SELENOM: variants seen among roughly 807,000 people sequenced by gnomAD.
SELENOM encodes the protein selenoprotein M.
In SELENOM, 17 loss-of-function variants were observed where a neutral mutation model predicts 14.5. The ratio of observed to expected loss-of-function variants is 1.17; its 90% CI spans 0.80 to 1.76. The LOEUF is 1.76. Ranked by LOEUF, SELENOM falls within the 40% of genes most tolerant of loss-of-function variation. The pLI is 0.00. For missense variants in SELENOM, 230 were observed against 204.6 expected, an observed-to-expected ratio of 1.12 and a Z score of -0.76; for synonymous variants, 102 against 93.3, an observed-to-expected ratio of 1.09 and a Z score of -0.54.
chr22:31,104,813 A>C lies in SELENOM; in HGVS notation c.*157T>G, dbSNP rs2044367664. Reference sequence around the variant, plus strand: ...GGGAATTTAGTGGAGCTGGGGAAGGAAGAAAGTGGGGTTGGGAGAACCTCC... The same window carrying C: ...GGGAATTTAGTGGAGCTGGGGAAGGCAGAAAGTGGGGTTGGGAGAACCTCC... On this transcript the variant is annotated 3_prime_UTR_variant, in exon 5 of 5. Coordinates refer to ENST00000400299, the MANE Select transcript of SELENOM (RefSeq NM_080430.4). The C allele has an allele frequency of 5.4e-6, 3 of 553,056 alleles. No homozygotes were observed. The highest frequency in any genetic ancestry group is 8.1e-6 in the Non-Finnish European group (3 of 371,966). 34.3% of individuals were successfully genotyped at this position (553,056 alleles called of 1,614,324 possible). A position where few individuals can be genotyped will look rare whatever the true frequency, so the allele number is the denominator to read the frequency against.
chr22:31,107,175 G>A (rs2044413094), intron 1 of SELENOM: 2 of 619,886 alleles, frequency 3.2e-6, no homozygotes, highest in Non-Finnish European at 5.3e-6. Context: ...GGAGTTCCAG[G>A]CCCCAAAGTC....
chr22:31,105,967 T>C lies in SELENOM; in HGVS notation c.130-2A>G, dbSNP rs2044400547. 1.2e-6 allele frequency: 2 copies of C among 1,613,644 alleles called. No individual in the cohort carries two copies. Among genetic ancestry groups the C allele is most frequent in the South Asian group, 2.2e-5 (2 of 91,080 alleles). ...GTTCAGCTGTCATCCCCCGCAGGTCTGGAGGGGGATAAAATGGGATAGGTC... is the reference window on the plus strand; with the variant it reads ...GTTCAGCTGTCATCCCCCGCAGGTCCGGAGGGGGATAAAATGGGATAGGTC... On this transcript the variant is annotated splice_acceptor_variant, in intron 1 of 4. Transcript: ENST00000400299. LOFTEE classifies it high-confidence loss of function.
chr22:31,105,851 C>T, intron 2 of SELENOM, 79 bp downstream of exon 2: 2 of 1,518,422 alleles, frequency 1.3e-6, no homozygotes, highest in African/African-American at 1.4e-5. Flanking sequence ...CCTCCCCGCC[C>T]CAGTCATTGG....
intron 1 of SELENOM, chr22:31,106,250 C>T: frequency 1.9e-6 from 1 of 525,768 alleles, no homozygotes; most frequent in Non-Finnish European, 3.4e-6. Flanking sequence ...TGGCTGTGGA[C>T]TGACTCCCAA....
rs2044388956 is a variant in SELENOM, at chr22:31,105,237, G to C, written c.250C>G (p.Leu84Val). The C allele has an allele frequency of 3.1e-6, 5 of 1,613,076 alleles. No homozygotes were observed. The highest frequency in any genetic ancestry group is 4.2e-6 in the Non-Finnish European group (5 of 1,179,696). ...AGTTCCTCGTAGCGGCGGCCCAGCA[G>C]CACGAGCTCAGGGTCGGCCCCAGGG... Reference protein sequence around the residue: ...HLPGADPELVLLGRRYEELER... With the variant: ...HLPGADPELVVLGRRYEELER... The change falls in exon 4 of 5, where the codon CTG becomes GTG. Residue 84 changes from leucine (L) to valine (V), a missense_variant. By Grantham distance (32) the Leu-to-Val change is conservative (BLOSUM62 1). Transcript: ENST00000400299.
chr22:31,105,423 C>A (rs1326381342), intron 3 of SELENOM, 137 bp from the exon 4 acceptor site: 7 of 925,998 alleles, frequency 7.6e-6, no homozygotes, highest in African/African-American at 3.3e-5. Context: ...TCCGCTTATA[C>A]GTGAGAAAAT....
chr22:31,105,027 C>G lies in SELENOM; in HGVS notation c.381G>C (p.Glu127Asp). 2 of 1,610,556 alleles carry G rather than the reference C, an allele frequency of 1.2e-6. No homozygotes were observed. The highest frequency in any genetic ancestry group is 4.5e-5 in the East Asian group (2 of 44,864). ...GGGGCTTCGCGGGCGCCCACACGTA[C>G]TCGGGGGGCACCTGCGCGTCGGGCG... ...KAAPDAQVPP[E>D]YVWAPAKPPE... The change falls in exon 5 of 5, where the codon GAG (glutamate) becomes GAC (aspartate). Residue 127 changes from glutamate to aspartate, a missense_variant. Transcript: ENST00000400299.
intron 1 of SELENOM, chr22:31,106,322 A>G (rs1202224726): frequency 3.1e-6 from 1 of 318,414 alleles, no homozygotes; most frequent in East Asian, 7.0e-5. Flanking sequence ...TTGGCCTTTG[A>G]TCCCTGAAAT....
Position 31,105,269 on chromosome 22 carries a change from T to C in SELENOM, c.218A>G (p.Lys73Arg). 6.2e-7 allele frequency: 1 copy of C among 1,612,226 alleles called. No homozygotes were observed. The highest frequency in any genetic ancestry group is 1.1e-5 in the South Asian group (1 of 90,820). Residue 73 changes from lysine (K) to arginine (R), a missense_variant, in exon 4 of 5, where the codon AAA becomes AGA. By Grantham distance (26) the Lys-to-Arg change is conservative. Coordinates refer to ENST00000400299, the MANE Select transcript of SELENOM (RefSeq NM_080430.4). The stretch of plus-strand genomic sequence containing the variant: ...CTCAGGGTCGGCCCCAGGGAGGTGT[T>C]TCATCACCAGGTTGTGACTGGAGGT... ...DIPFYHNLVM[K>R]HLPGADPELV... is the part of the protein sequence containing the mutation.
rs954017842 is a variant in SELENOM, at chr22:31,107,508, G to C, written c.-3C>G. The C allele has an allele frequency of 7.8e-6, 12 of 1,540,272 alleles. No homozygotes were observed. Among genetic ancestry groups the C allele is most frequent in the East Asian group, 2.5e-5 (1 of 40,298 alleles). On this transcript the variant is annotated 5_prime_UTR_variant, in exon 1 of 5. Transcript: ENST00000400299. ...AGCGGAGGCAACAGGAGGCTCATCG[G>C]GACCCGGCCGCAGATGATGCGCAAG...
Position 31,105,642 on chromosome 22 carries a change from CA to C in SELENOM, c.200+15del. The C allele has an allele frequency of 6.2e-7, 1 of 1,613,680 alleles. No individual in the cohort carries two copies. Among genetic ancestry groups the C allele is most frequent in the Non-Finnish European group, 8.5e-7 (1 of 1,179,656 alleles). ...GGTGCCCATCCCATTTCCCCTCCCC[CA>C]GAACAGAAGGATACTAGAATGGAAT... On this transcript the variant is annotated intron_variant, in intron 3 of 4. Transcript: ENST00000400299.
Position 31,105,270 on chromosome 22 carries a change from T to G in SELENOM, c.217A>C (p.Lys73Gln). 1 of 1,612,180 alleles carries G rather than the reference T, an allele frequency of 6.2e-7. No individual in the cohort carries two copies. The highest frequency in any genetic ancestry group is 8.5e-7 in the Non-Finnish European group (1 of 1,179,346). ...DIPFYHNLVM[K>Q]HLPGADPELV... ...TCAGGGTCGGCCCCAGGGAGGTGTT[T>G]CATCACCAGGTTGTGACTGGAGGTG... is the stretch of plus-strand genomic sequence containing the variant. Residue 73 changes from lysine to glutamine, a missense_variant, in exon 4 of 5, where the codon AAA becomes CAA. Lys to Gln is a moderately conservative substitution (Grantham distance 53). Transcript: ENST00000400299.
intron 4 of SELENOM, 22 bp from the exon 5 acceptor site, chr22:31,105,150 G>A (rs1236490475): frequency 6.2e-7 from 1 of 1,613,424 alleles, no homozygotes; most frequent in Non-Finnish European, 8.5e-7. Context: ...GAGGGGCGGG[G>A]TCAGCAGGCT....
chr22:31,106,228 T>C (rs2044404029), intron 1 of SELENOM: 2 of 561,732 alleles, frequency 3.6e-6, no homozygotes, highest in Non-Finnish European at 6.4e-6. Flanking sequence ...CCTTGGGGCC[T>C]GTACATCCTA....
At chr22:31,105,798 A>G in intron 2 of SELENOM, 106 bp from the exon 3 acceptor site, 1 of 1,482,492 alleles carries the variant, frequency 6.7e-7, no homozygotes, top group South Asian at 1.1e-5. Flanking sequence ...TGCAGGCTAG[A>G]CTCTCAGCCT....
At chr22:31,106,276 A>T in intron 1 of SELENOM, 1 of 472,980 alleles carries the variant, frequency 2.1e-6, no homozygotes. Context: ...AGGGGAAATG[A>T]TCACCCTGCT....
In SELENOM at chr22:31,105,005, G is replaced by T. The variant is rs185670461; in HGVS notation, c.403C>A (p.Pro135Thr). The change falls in exon 5 of 5, where the codon CCC becomes ACC. Residue 135 changes from proline to threonine, a missense_variant. Transcript: ENST00000400299. ...PPEYVWAPAK[P>T]PEETSDHADL ...GCGTGGTCCGAAGTTTCCTCTGGGG[G>T]CTTCGCGGGCGCCCACACGTACTCG... The T allele has an allele frequency of 5.0e-6, 8 of 1,602,612 alleles. No homozygotes were observed. The South Asian group carries it at 7.7e-5, about 16-fold the overall frequency.
At chr22:31,105,611 C>T in intron 3 of SELENOM, 47 bp downstream of exon 3, 1 of 1,588,564 alleles carries the variant, frequency 6.3e-7, no homozygotes, top group South Asian at 1.1e-5. Context: ...CGTGGAGATT[C>T]TCCCAGGTGC....
At position 31,107,418 on chromosome 22, in the gene SELENOM, C is replaced by A. The variant is rs2044415846; in HGVS notation, c.88G>T (p.Asp30Tyr). The part of the protein sequence containing the change: ...PATAATAYRP[D>Y]WNRLSGLTRA... ...GTTAGGCCGCTCAGACGGTTCCAGT[C>A]CGGCCGGTAGGCAGTGGCGGCTGTG... Residue 30 changes from aspartate (D) to tyrosine (Y), a missense_variant, in exon 1 of 5, where the codon GAC (aspartate) becomes TAC (tyrosine). Transcript: ENST00000400299. 2 of 1,590,196 alleles carry A rather than the reference C, an allele frequency of 1.3e-6. No homozygotes were observed. The highest frequency in any genetic ancestry group is 4.6e-5 in the East Asian group (2 of 43,560).
Sources: gnomAD v4.1 joint callset for allele counts on GRCh38, gnomAD v4.1.1 for gene constraint, MANE v1.5 for transcripts, NCBI Gene and HGNC (gene_info 2026-07-23, HGNC 2026-07-21) for gene names.